Variants in SLC4A1AP observed in about 807,000 individuals in gnomAD.
SLC4A1AP encodes the protein kanadaptin.
A neutral mutation model predicts 89.7 loss-of-function variants in SLC4A1AP; 64 were observed. That is an observed-to-expected ratio of 0.71 (90% CI 0.58 to 0.88). The LOEUF is 0.88. SLC4A1AP is among the 40% of genes least tolerant of loss of function. The probability of loss-of-function intolerance (pLI) is 0.00; values close to 1 mark genes in which losing one functional copy is unlikely to be tolerated. For missense variants in SLC4A1AP, 931 were observed against 965.0 expected (o/e 0.96, Z 0.47); for synonymous variants, 366 against 353.3 (o/e 1.04, Z -0.40).
At chr2:27,676,035 A>G (rs983127771) in intron 6 of SLC4A1AP, among the ~76,000 whole-genome samples, 2 of 152,236 alleles carry the variant, frequency 1.3e-5, no homozygotes, top group Admixed American at 1.3e-4. Context: ...GGCAGTCAAG[A>G]GAAGTCAAAG....
At chr2:27,670,870 T>A (rs1265210257) in intron 5 of SLC4A1AP, among the ~76,000 whole-genome samples, 2 of 149,608 alleles carry the variant, frequency 1.3e-5, no homozygotes, top group African/African-American at 4.9e-5. Flanking sequence ...CAAAAATAAA[T>A]AATTAATTAA....
At chr2:27,678,299 C>T (rs868522578) in intron 8 of SLC4A1AP, among the ~76,000 whole-genome samples, 3 of 152,042 alleles carry the variant, frequency 2.0e-5, no homozygotes, top group African/African-American at 7.2e-5. Flanking sequence ...AATCCTAGAA[C>T]TTTGGGAGGT....
intron 5 of SLC4A1AP, among the ~76,000 whole-genome samples, chr2:27,672,418 T>C (rs1675439552): frequency 6.6e-6 from 1 of 152,112 alleles, no homozygotes; most frequent in Non-Finnish European, 1.5e-5. Flanking sequence ...TTTAAAGTTT[T>C]TAAAATCAGG....
chr2:27,670,369 T>A (rs1675402066), intron 5 of SLC4A1AP, among the ~76,000 whole-genome samples: 1 of 151,726 alleles, frequency 6.6e-6, no homozygotes, highest in Non-Finnish European at 1.5e-5. Flanking sequence ...TTTTTTTTTT[T>A]AAAGTCTGAG....
intron 12 of SLC4A1AP, chr2:27,692,966 T>G (rs918134334): frequency 6.6e-6 from 1 of 151,996 alleles, no homozygotes; most frequent in African/African-American, 2.4e-5. Flanking sequence ...AGACGGAATC[T>G]CGCTCTGTAG....
At chr2:27,672,702 G>A (rs1333485736) in intron 5 of SLC4A1AP, among the ~76,000 whole-genome samples, 4 of 152,150 alleles carry the variant, frequency 2.6e-5, no homozygotes, top group Non-Finnish European at 1.5e-5. Context: ...TATAGGTGGG[G>A]TTTCTGCATG....
intron 6 of SLC4A1AP, 102 bp from the exon 7 acceptor site, chr2:27,677,193 T>C: frequency 2.4e-6 from 2 of 823,580 alleles, no homozygotes; most frequent in Non-Finnish European, 4.1e-6. Context: ...GACTTTTGAA[T>C]TAATCTTCTT....
chr2:27,678,874 A>T (rs1394244096), intron 8 of SLC4A1AP, among the ~76,000 whole-genome samples: 1 of 151,812 alleles, frequency 6.6e-6, no homozygotes. Context: ...ATGCTCCACC[A>T]TACCTGGCTA....
intron 12 of SLC4A1AP, among the ~76,000 whole-genome samples, chr2:27,691,173 C>CT (rs1366406673): frequency 2.6e-5 from 4 of 151,566 alleles, no homozygotes; most frequent in Non-Finnish European, 4.4e-5. Flanking sequence ...TGGTCCTGGG[C>CT]TTTTTTTTGT....
chr2:27,671,517 T>A (rs1306117986), intron 5 of SLC4A1AP, among the ~76,000 whole-genome samples: 4 of 152,214 alleles, frequency 2.6e-5, no homozygotes, highest in African/African-American at 9.6e-5. Context: ...CAGTTCTGAT[T>A]TGTTTTGGAG....
At chr2:27,677,403 T>C (rs1344140527) in intron 7 of SLC4A1AP, 39 bp downstream of exon 7, 4 of 1,366,158 alleles carry the variant, frequency 2.9e-6, no homozygotes, top group East Asian at 4.6e-5. Flanking sequence ...ATACCACATA[T>C]AGTGCTCTAT....
intron 5 of SLC4A1AP, among the ~76,000 whole-genome samples, chr2:27,674,656 T>G (rs1450148049): frequency 6.6e-6 from 1 of 152,004 alleles, no homozygotes; most frequent in Non-Finnish European, 1.5e-5. Context: ...CTTTTTCAAA[T>G]TTTCTTTTGG....
intron 9 of SLC4A1AP, among the ~76,000 whole-genome samples, chr2:27,683,244 T>A (rs577865130): frequency 2.0e-5 from 3 of 152,378 alleles, no homozygotes; most frequent in Admixed American, 1.3e-4. Flanking sequence ...AATATATGTC[T>A]GTCTGTATGT....
chr2:27,669,532 T>A (rs933092762), intron 5 of SLC4A1AP, 145 bp downstream of exon 5: 2 of 669,026 alleles, frequency 3.0e-6, no homozygotes, highest in African/African-American at 3.7e-5. Flanking sequence ...TACCCTAAGG[T>A]AGCCACTGTT....
intron 12 of SLC4A1AP, among the ~76,000 whole-genome samples, chr2:27,690,821 A>G (rs1381255047): frequency 6.6e-6 from 1 of 152,114 alleles, no homozygotes; most frequent in Non-Finnish European, 1.5e-5. Context: ...GTGATGTATC[A>G]TATTTATTGA....
chr2:27,668,140 A>G (rs1675363956), intron 3 of SLC4A1AP, among the ~76,000 whole-genome samples: 1 of 151,452 alleles, frequency 6.6e-6, no homozygotes, highest in Non-Finnish European at 1.5e-5. Context: ...TCAGTGTGGT[A>G]TGGGAACTTG....
Position 27,666,372 on chromosome 2 carries a change from A to ACCC in SLC4A1AP, c.1022-894_1022-892dup, listed in dbSNP as rs1675323435. 5.9e-4 allele frequency among the ~76,000 whole-genome samples: 2 copies of ACCC among 3,390 alleles called. 1 individual carries two copies. The highest frequency in any genetic ancestry group is 0.056 in the South Asian group (2 of 36). The allele number at this position is 3,390 out of a possible 152,430, so 2.2% of individuals were successfully genotyped here. A position where few individuals can be genotyped will look rare whatever the true frequency, so the allele number is the denominator to read the frequency against. ...GATCCACCCCCCACCCCCCCCCCCC[A>ACCC]CCCCGCCCCCCGGCCTCCCAAAGTG... On this transcript the variant is annotated intron_variant, in intron 2 of 13. Coordinates refer to ENST00000613058, the Ensembl canonical transcript of SLC4A1AP.
chr2:27,675,840 T>A, intron 6 of SLC4A1AP, 148 bp downstream of exon 6: 3 of 515,504 alleles, frequency 5.8e-6, no homozygotes, highest in Non-Finnish European at 6.2e-6. Flanking sequence ...TCTGTTAATT[T>A]AATGGTAACA....
chr2:27,665,321 G>C, intron 2 of SLC4A1AP, 26 bp downstream of exon 2: 1 of 1,560,948 alleles, frequency 6.4e-7, no homozygotes, highest in Admixed American at 2.0e-5. Flanking sequence ...TGCTGCCGGA[G>C]GTTAATATTT....
Sources: gnomAD v4.1 joint callset for allele counts (sites outside exome capture counted in the v4.1 genomes callset) on GRCh38, gnomAD v4.1.1 for gene constraint, MANE v1.5 for transcripts, NCBI Gene and HGNC (gene_info 2026-07-23, HGNC 2026-07-21) for gene names.